The following ZZZ3 variants were observed in gnomAD, a reference collection of about 807,000 sequenced individuals.
ZZZ3 encodes ZZ-type zinc finger-containing protein 3.
Under a neutral mutation model 95.2 loss-of-function variants are expected in ZZZ3, and 22 were observed. That is an observed-to-expected ratio of 0.23 (90% confidence interval 0.17 to 0.33). The LOEUF is 0.33. Ranked by LOEUF, ZZZ3 falls within the 10% of genes least tolerant of loss-of-function variation. ZZZ3 has a pLI of 1.00. For missense variants in ZZZ3, 885 were observed against 1,066.5 expected (o/e 0.83, Z 2.37); for synonymous variants, 335 against 358.9 (o/e 0.93, Z 0.75).
chr1:77,593,661 C>T (rs2100631892), intron 5 of ZZZ3, among the ~76,000 whole-genome samples: 1 of 152,234 alleles, frequency 6.6e-6, no homozygotes, highest in Admixed American at 6.5e-5. Context: ...AGTGATTAAA[C>T]AACTATAGGC....
At chr1:77,647,313 G>A (rs1447783634) in intron 1 of ZZZ3, among the ~76,000 whole-genome samples, 1 of 152,168 alleles carries the variant, frequency 6.6e-6, no homozygotes, top group Non-Finnish European at 1.5e-5. Context: ...GAGGCCAGGG[G>A]TTCAAAACCG....
intron 1 of ZZZ3, chr1:77,645,707 C>G (rs542761028): frequency 6.6e-6 from 1 of 152,254 alleles, no homozygotes; most frequent in East Asian, 1.9e-4. Context: ...CGCAGTGGCT[C>G]ACGCCTGTAA....
chr1:77,588,246 A>C (rs1663304874), intron 5 of ZZZ3, among the ~76,000 whole-genome samples: 1 of 152,214 alleles, frequency 6.6e-6, no homozygotes, highest in African/African-American at 2.4e-5. Flanking sequence ...CAATCCTCAC[A>C]ATAAATTTAT....
At chr1:77,582,628 AT>A (rs1041843989) in intron 6 of ZZZ3, among the ~76,000 whole-genome samples, 1 of 150,672 alleles carries the variant, frequency 6.6e-6, no homozygotes, top group African/African-American at 2.4e-5. Flanking sequence ...TAGTAGGAAA[AT>A]TTTTTTCCAA....
chr1:77,642,243 T>C (rs932237445), intron 1 of ZZZ3, among the ~76,000 whole-genome samples: 6 of 103,908 alleles, frequency 5.8e-5, no homozygotes, highest in South Asian at 2.9e-4. Context: ...GTTGGAGAAA[T>C]AGATCTACAC....
intron 1 of ZZZ3, among the ~76,000 whole-genome samples, chr1:77,678,749 T>C (rs914609294): frequency 4.6e-5 from 7 of 152,222 alleles, no homozygotes; most frequent in Non-Finnish European, 8.8e-5. Flanking sequence ...TGTGGACTAA[T>C]TCCAATTAGT....
intron 5 of ZZZ3, among the ~76,000 whole-genome samples, chr1:77,616,593 G>A (rs796073231): frequency 1.1e-4 from 16 of 152,298 alleles, no homozygotes; most frequent in East Asian, 5.8e-4. Flanking sequence ...AGCCGGGCGC[G>A]GAGGCTCACG....
chr1:77,629,484 T>G (rs376869513), intron 5 of ZZZ3, among the ~76,000 whole-genome samples: 1 of 152,126 alleles, frequency 6.6e-6, no homozygotes, highest in East Asian at 1.9e-4. Flanking sequence ...ACAGGTGTGA[T>G]GGCGTACACC....
intron 1 of ZZZ3, among the ~76,000 whole-genome samples, chr1:77,666,510 G>T (rs992236567): frequency 2.6e-5 from 4 of 152,130 alleles, no homozygotes; most frequent in African/African-American, 9.7e-5. Context: ...TCCAGCCTGG[G>T]CGACACAGAG....
chr1:77,574,959 G>A (rs1460967668), intron 12 of ZZZ3, among the ~76,000 whole-genome samples: 1 of 152,212 alleles, frequency 6.6e-6, no homozygotes, highest in Non-Finnish European at 1.5e-5. Context: ...GCCGAGGCAG[G>A]CAGATCACGA....
intron 5 of ZZZ3, among the ~76,000 whole-genome samples, chr1:77,590,721 A>C (rs1011769709): frequency 1.3e-5 from 2 of 152,268 alleles, no homozygotes; most frequent in African/African-American, 4.8e-5. Flanking sequence ...TGCAGTATAT[A>C]ATTTTATTGT....
intron 5 of ZZZ3, among the ~76,000 whole-genome samples, chr1:77,598,895 TTAAG>T (rs1240356984): frequency 2.0e-5 from 3 of 152,180 alleles, no homozygotes; most frequent in South Asian, 2.1e-4. Flanking sequence ...ACTTTAGCTA[TTAAG>T]TAAGTACACT....
intron 1 of ZZZ3, among the ~76,000 whole-genome samples, chr1:77,663,489 T>C (rs1312751957): frequency 6.6e-6 from 1 of 152,162 alleles, no homozygotes; most frequent in African/African-American, 2.4e-5. Flanking sequence ...CTCAATTCCT[T>C]CAAAGGTTCT....
intron 1 of ZZZ3, among the ~76,000 whole-genome samples, chr1:77,650,200 G>A (rs1385945316): frequency 6.6e-6 from 1 of 152,040 alleles, no homozygotes; most frequent in African/African-American, 2.4e-5. Context: ...CCAAAGGACA[G>A]CAACATAAGA....
chr1:77,610,764 T>G (rs536672257), intron 5 of ZZZ3, among the ~76,000 whole-genome samples: 13 of 151,332 alleles, frequency 8.6e-5, no homozygotes, highest in African/African-American at 1.2e-4. Context: ...CATCCCTTCA[T>G]GATTAAAAAA....
intron 5 of ZZZ3, among the ~76,000 whole-genome samples, chr1:77,628,257 C>T (rs1667496415): frequency 6.6e-6 from 1 of 152,068 alleles, no homozygotes; most frequent in Admixed American, 6.5e-5. Flanking sequence ...TTCTATCAAC[C>T]CTGAAGATCA....
At chr1:77,605,012 C>G (rs1057251464) in intron 5 of ZZZ3, among the ~76,000 whole-genome samples, 16 of 152,176 alleles carry the variant, frequency 1.1e-4, no homozygotes, top group Admixed American at 7.2e-4. Context: ...GATGGTCCCC[C>G]CAAAAAGGAA....
chr1:77,682,353 G>A (rs995910640), intron 1 of ZZZ3, among the ~76,000 whole-genome samples: 7 of 152,240 alleles, frequency 4.6e-5, no homozygotes, highest in Non-Finnish European at 1.0e-4. Flanking sequence ...CGCGAGCACG[G>A]CTCCCGGACT....
chr1:77,612,577 A>G (rs1665916588), intron 5 of ZZZ3, among the ~76,000 whole-genome samples: 1 of 152,076 alleles, frequency 6.6e-6, no homozygotes, highest in Admixed American at 6.5e-5. Context: ...AATGTGGTAC[A>G]TATATACACA....
Sources: allele counts gnomAD v4.1 joint callset (sites outside exome capture counted in the v4.1 genomes callset), GRCh38; gene constraint gnomAD v4.1.1; transcripts MANE v1.5; gene names NCBI Gene and HGNC (gene_info 2026-07-23, HGNC 2026-07-21).